RAD17: variants seen among roughly 807,000 people sequenced by gnomAD.
RAD17 encodes the protein RAD17 checkpoint clamp loader component.
Under a neutral mutation model 81.5 loss-of-function variants are expected in RAD17, and 31 were observed. The observed-to-expected ratio is 0.38, with a 90% confidence interval of 0.29 to 0.51. The LOEUF (loss-of-function observed/expected upper bound fraction) is 0.51. RAD17 is among the 20% of genes least tolerant of loss of function. RAD17 has a pLI of 0.88. For synonymous variants in RAD17, 261 were observed against 266.2 expected (o/e 0.98, Z 0.19); for missense variants, 681 against 781.2 (o/e 0.87, Z 1.53).
At chr5:69,397,678 T>C (rs1452179917) in intron 16 of RAD17, among the ~76,000 whole-genome samples, 1 of 152,192 alleles carries the variant, frequency 6.6e-6, no homozygotes, top group Non-Finnish European at 1.5e-5. Flanking sequence ...AAATCCCTAG[T>C]ATATAAAATT....
intron 17 of RAD17, among the ~76,000 whole-genome samples, chr5:69,407,295 G>A (rs558671401): frequency 1.3e-5 from 2 of 152,066 alleles, no homozygotes; most frequent in African/African-American, 4.8e-5. Context: ...AGTATCCAAA[G>A]GTCCTCATAG....
At chr5:69,382,439 T>C (rs1449686832) in intron 7 of RAD17, among the ~76,000 whole-genome samples, 1 of 152,178 alleles carries the variant, frequency 6.6e-6, no homozygotes, top group Non-Finnish European at 1.5e-5. Flanking sequence ...AATGAGACAT[T>C]GTCTCAAAAA....
At chr5:69,410,637 A>G (rs1765915864) in intron 18 of RAD17, 87 bp downstream of exon 18, 1 of 1,232,158 alleles carries the variant, frequency 8.1e-7, no homozygotes, top group Non-Finnish European at 1.2e-6. Flanking sequence ...GTTACCTGTA[A>G]CATCCAAGAA....
chr5:69,370,182 GGGT>G, intron 1 of RAD17: 1 of 162,436 alleles, frequency 6.2e-6, no homozygotes, highest in Non-Finnish European at 1.3e-5. Flanking sequence ...TCACTGTGTG[GGGT>G]GGTGGTGGGT....
At chr5:69,384,506 G>A (rs556382767) in intron 7 of RAD17, among the ~76,000 whole-genome samples, 8 of 152,246 alleles carry the variant, frequency 5.3e-5, no homozygotes, top group Admixed American at 3.3e-4. Context: ...TGTAGAGACC[G>A]GGTTTCACCA....
chr5:69,371,924 A>AG, intron 3 of RAD17, 110 bp from the exon 4 acceptor site: 1 of 498,242 alleles, frequency 2.0e-6, no homozygotes, highest in Middle Eastern at 5.6e-4. Flanking sequence ...GATGGGGGTC[A>AG]GACAGTTTCA....
chr5:69,386,609 T>C, intron 11 of RAD17, 144 bp downstream of exon 11: 1 of 1,040,440 alleles, frequency 9.6e-7, no homozygotes, highest in African/African-American at 1.7e-5. Context: ...TTTTAGCAAA[T>C]GTAGGAAATA....
chr5:69,410,963 G>A (rs6872368), intron 18 of RAD17, among the ~76,000 whole-genome samples: 1,269 of 3,948 alleles, frequency 0.32, 52 homozygotes, highest in Middle Eastern at 0.38. Context: ...ATAGATGTCT[G>A]TCTATATATA....
At chr5:69,377,457 A>ATGTG (rs1561238746) in intron 6 of RAD17, among the ~76,000 whole-genome samples, 1 of 9,808 alleles carries the variant, frequency 1.0e-4, no homozygotes, top group South Asian at 4.3e-3. Flanking sequence ...ATATATATAT[A>ATGTG]TATATATATA....
intron 17 of RAD17, among the ~76,000 whole-genome samples, chr5:69,407,245 C>T (rs896304613): frequency 6.6e-6 from 1 of 151,802 alleles, no homozygotes; most frequent in Admixed American, 6.6e-5. Flanking sequence ...TCAGGTGATC[C>T]GCCTGCTTCG....
intron 16 of RAD17, among the ~76,000 whole-genome samples, chr5:69,398,328 T>C (rs991608790): frequency 3.3e-5 from 5 of 152,194 alleles, no homozygotes; most frequent in Non-Finnish European, 5.9e-5. Flanking sequence ...AGAAGAAATC[T>C]TGGCCTTGCC....
intron 17 of RAD17, among the ~76,000 whole-genome samples, chr5:69,402,078 AC>A (rs1444414457): frequency 7.1e-6 from 1 of 141,484 alleles, no homozygotes; most frequent in Admixed American, 7.4e-5. Context: ...ATGGAGTTTC[AC>A]TCTTGTTGCT....
chr5:69,386,661 T>A (rs1764233028), intron 11 of RAD17, among the ~76,000 whole-genome samples, 196 bp downstream of exon 11: 1 of 152,228 alleles, frequency 6.6e-6, no homozygotes, highest in Admixed American at 6.5e-5. Context: ...TATTAAACTT[T>A]CACTTTCACA....
chr5:69,409,960 G>A (rs1185001242), intron 17 of RAD17, among the ~76,000 whole-genome samples: 2 of 152,162 alleles, frequency 1.3e-5, no homozygotes, highest in Admixed American at 6.5e-5. Flanking sequence ...TTAGAATGAT[G>A]TCATCGCAGT....
intron 8 of RAD17, among the ~76,000 whole-genome samples, chr5:69,385,328 G>GTGCA (rs1340877702): frequency 6.7e-6 from 1 of 149,014 alleles, no homozygotes; most frequent in Non-Finnish European, 1.5e-5. Flanking sequence ...GAGTGCAGTG[G>GTGCA]TGCAGTCTTG....
Position 69,369,873 on chromosome 5 carries a change from A to G in RAD17, c.-477A>G. On this transcript the variant is annotated 5_prime_UTR_variant, in exon 1 of 19. Transcript: ENST00000354868. ...GGTAGGGCCAGGTGGCTGCCCTTTC[A>G]CCTAGGGTAGTCCCTGGTCGCCTCC... 1.5e-6 allele frequency: 1 copy of G among 647,920 alleles called. No individual in the cohort carries two copies. Among genetic ancestry groups the G allele is most frequent in the Non-Finnish European group, 2.7e-6 (1 of 377,276 alleles). 40.1% of individuals were successfully genotyped at this position (647,920 alleles called of 1,614,324 possible). A position where few individuals can be genotyped will look rare whatever the true frequency, so the allele number is the denominator to read the frequency against.
chr5:69,386,010 AC>A, intron 8 of RAD17, 32 bp from the exon 9 acceptor site: 1 of 1,487,896 alleles, frequency 6.7e-7, no homozygotes, highest in Non-Finnish European at 8.9e-7. Flanking sequence ...ATGGAATAAA[AC>A]TATACTATTA....
At position 69,372,339 on chromosome 5, in the gene RAD17, C is replaced by G; in HGVS notation, c.9+122C>G. The stretch of plus-strand genomic sequence containing the variant: ...TTAGCATTCGTAAAGTATTTATAAG[C>G]CCCAAATTGTCTCCCCTAAGCCTAC... On this transcript the variant is annotated intron_variant, in intron 4 of 18. Transcript: ENST00000354868. 4 of 901,210 alleles carry G rather than the reference C, an allele frequency of 4.4e-6. No homozygotes were observed. The South Asian group carries it at 6.5e-5, about 15-fold the overall frequency. The allele number at this position is 901,210 out of a possible 1,614,324, so 55.8% of individuals were successfully genotyped here.
At position 69,386,464 on chromosome 5, in the gene RAD17, A is replaced by G. The variant is rs752046238; in HGVS notation, c.893A>G (p.Lys298Arg). Residue 298 changes from lysine to arginine, a missense_variant and splice_region_variant, in exon 11 of 19, where the codon AAG becomes AGG. Coordinates refer to ENST00000354868, the MANE Select transcript of RAD17 (RefSeq NM_133338.3). ...CGAATAGTGACTATAGAAGCTAACA[A>G]GGTAAGTCTCTGATTAATTAAACCT... is the stretch of plus-strand genomic sequence containing the variant. The part of the protein sequence containing the change: ...LNRIVTIEAN[K>R]NGGKITVPDK... The G allele has an allele frequency of 3.1e-6, 5 of 1,589,020 alleles. No homozygotes were observed. The Admixed American group carries it at 9.0e-5, about 29-fold the overall frequency.
Sources: allele counts gnomAD v4.1 joint callset (sites outside exome capture counted in the v4.1 genomes callset), GRCh38; gene constraint gnomAD v4.1.1; transcripts MANE v1.5; gene names NCBI Gene and HGNC (gene_info 2026-07-23, HGNC 2026-07-21).